TMCO6: variants seen among roughly 807,000 people sequenced by gnomAD.
The protein encoded by TMCO6 is transmembrane and coiled-coil domain-containing protein 6.
Under a neutral mutation model 61.8 loss-of-function variants are expected in TMCO6, and 47 were observed. The observed-to-expected ratio is 0.76, with a 90% CI of 0.60 to 0.97. The LOEUF is 0.97. TMCO6 is among the 50% of genes least tolerant of loss of function. The probability of loss-of-function intolerance (pLI) is 0.00; values close to 1 mark genes in which losing one functional copy is unlikely to be tolerated. For missense variants in TMCO6, 557 were observed against 601.6 expected, an observed-to-expected ratio of 0.93 and a Z score of 0.78; for synonymous variants, 261 against 254.2, an observed-to-expected ratio of 1.03 and a Z score of -0.25.
chr5:140,647,387 G>T (rs1581476251), downstream of TMCO6: 1 of 1,611,080 alleles, frequency 6.2e-7, no homozygotes, highest in Non-Finnish European at 8.5e-7. Flanking sequence ...AGAGCGCCGC[G>T]CGTGCTGTGG....
the TMCO6 span, among the ~76,000 whole-genome samples, chr5:140,631,551 C>T: frequency 6.6e-6 from 1 of 152,188 alleles, no homozygotes; most frequent in African/African-American, 2.4e-5. Flanking sequence ...CCATGCAGCC[C>T]TAGCCAGGAG....
At chr5:140,607,510 C>T in the TMCO6 span, among the ~76,000 whole-genome samples, 1 of 152,070 alleles carries the variant, frequency 6.6e-6, no homozygotes, top group Non-Finnish European at 1.5e-5. Context: ...CATTTTGGTA[C>T]AAAATTTTGT....
chr5:140,644,289 G>T, intron 10 of TMCO6, 95 bp downstream of exon 10: 1 of 1,367,438 alleles, frequency 7.3e-7, no homozygotes, highest in Admixed American at 1.7e-5. Flanking sequence ...TTGAGAGCCA[G>T]CAGGTGGTGG....
the TMCO6 span, chr5:140,632,391 C>T: frequency 2.5e-6 from 4 of 1,614,158 alleles, no homozygotes; most frequent in Non-Finnish European, 3.4e-6. The surrounding 1 kb of genome is among the most constrained non-coding windows in gnomAD (Gnocchi z 6.2). Flanking sequence ...CAGGTCTAGG[C>T]TGGTAAGGGC....
the TMCO6 span, among the ~76,000 whole-genome samples, chr5:140,628,915 G>C: frequency 6.6e-6 from 1 of 152,154 alleles, no homozygotes; most frequent in African/African-American, 2.4e-5. Flanking sequence ...CTACAGTGTA[G>C]ATACACTGTA....
At chr5:140,642,886 C>T (rs765690906) in intron 6 of TMCO6, 39 bp from the exon 7 acceptor site, 1 of 1,614,036 alleles carries the variant, frequency 6.2e-7, no homozygotes, top group Non-Finnish European at 8.5e-7. Context: ...CCACTGGCAT[C>T]TTCGTGGTTC....
At chr5:140,631,964 G>C in the TMCO6 span, 1 of 1,613,498 alleles carries the variant, frequency 6.2e-7, no homozygotes, top group African/African-American at 1.3e-5. Context: ...TTGAGCCCTC[G>C]TGGGGGAGGG....
the TMCO6 span, among the ~76,000 whole-genome samples, chr5:140,612,747 T>C: frequency 6.6e-5 from 10 of 152,210 alleles, no homozygotes; most frequent in Non-Finnish European, 7.3e-5. Context: ...AAACAAAAGA[T>C]CACAATCCTT....
chr5:140,632,595 C>T, the TMCO6 span: 1 of 1,613,952 alleles, frequency 6.2e-7, no homozygotes, highest in Non-Finnish European at 8.5e-7. This position sits in a 1 kb window ranked among gnomAD's most constrained non-coding sequence, Gnocchi z 6.2. Context: ...AGGCATGGTG[C>T]CGGTTATCTT....
chr5:140,601,668 A>G, the TMCO6 span, among the ~76,000 whole-genome samples: 1 of 152,232 alleles, frequency 6.6e-6, no homozygotes, highest in Non-Finnish European at 1.5e-5. Flanking sequence ...AGGATGACGT[A>G]AAGCAGTGTT....
chr5:140,625,132 G>A, the TMCO6 span, among the ~76,000 whole-genome samples: 9 of 151,950 alleles, frequency 5.9e-5, no homozygotes, highest in Non-Finnish European at 1.2e-4. Flanking sequence ...GATTACAGGC[G>A]TGAGTCACTG....
Position 140,643,548 on chromosome 5 carries a change from G to A in TMCO6, c.807-16G>A. On this transcript the variant is annotated splice_polypyrimidine_tract_variant and intron_variant, in intron 7 of 11. Transcript: ENST00000394671. ...TTGACTATATACCTAGGGACTGCTTGCTTCCTGTTGCCCAGCCAGGTCAGC... is the reference window on the plus strand; with the variant it reads ...TTGACTATATACCTAGGGACTGCTTACTTCCTGTTGCCCAGCCAGGTCAGC... 1 of 1,611,072 alleles carries A rather than the reference G, an allele frequency of 6.2e-7. No homozygotes were observed. Among genetic ancestry groups the A allele is most frequent in the Non-Finnish European group, 8.5e-7 (1 of 1,177,998 alleles).
At chr5:140,633,282 C>A in the TMCO6 span, 1 of 643,934 alleles carries the variant, frequency 1.6e-6, no homozygotes, top group Non-Finnish European at 2.8e-6. Context: ...CGAGCCAGCC[C>A]CCTTCCTTTC....
the TMCO6 span, among the ~76,000 whole-genome samples, chr5:140,616,929 A>G: frequency 6.6e-6 from 1 of 151,930 alleles, no homozygotes; most frequent in East Asian, 1.9e-4. Context: ...TGTAGTCCCA[A>G]CTACTCAGGA....
At chr5:140,613,783 T>C in the TMCO6 span, among the ~76,000 whole-genome samples, 1 of 152,118 alleles carries the variant, frequency 6.6e-6, no homozygotes, top group Non-Finnish European at 1.5e-5. Context: ...TCATTGCTCA[T>C]TGTAACGTCA....
At chr5:140,612,002 G>T in the TMCO6 span, among the ~76,000 whole-genome samples, 1 of 152,142 alleles carries the variant, frequency 6.6e-6, no homozygotes, top group East Asian at 1.9e-4. Context: ...GGATGGGAGA[G>T]AGCAAGTTTT....
the TMCO6 span, among the ~76,000 whole-genome samples, chr5:140,620,589 G>A: frequency 2.0e-5 from 3 of 152,142 alleles, no homozygotes; most frequent in South Asian, 4.1e-4. Flanking sequence ...ACTCTGGTGG[G>A]GGTTGTCGAT....
chr5:140,647,456 C>A (rs200503970), downstream of TMCO6: 2 of 1,608,524 alleles, frequency 1.2e-6, no homozygotes, highest in African/African-American at 2.7e-5. Flanking sequence ...TCCCGAAGCC[C>A]GCCCGCCTCA....
At position 140,644,574 on chromosome 5, in the gene TMCO6, T is replaced by C; in HGVS notation, c.1202T>C (p.Val401Ala). ...LPVSNVVSVM[V>A]LTVLCNVAEK... ...GACTATATATGTGTCTATCTGCAGG[T>C]GCTCACAGTTCTGTGCAATGTTGCA... is the stretch of plus-strand genomic sequence containing the variant. The change falls in exon 11 of 12, where the codon GTG becomes GCG. Residue 401 changes from valine (V) to alanine (A), a missense_variant and splice_region_variant. Val to Ala is a moderately conservative substitution (Grantham distance 64). Transcript: ENST00000394671. 1 of 1,613,992 alleles carries C rather than the reference T, an allele frequency of 6.2e-7. No homozygotes were observed. The highest frequency in any genetic ancestry group is 8.5e-7 in the Non-Finnish European group (1 of 1,179,954).
Sources: allele counts gnomAD v4.1 joint callset (sites outside exome capture counted in the v4.1 genomes callset), GRCh38; gene constraint gnomAD v4.1.1; non-coding constraint Gnocchi (gnomAD v3.1); transcripts MANE v1.5; gene names NCBI Gene and HGNC (gene_info 2026-07-23, HGNC 2026-07-21).